Variants in SCAMP1 observed in about 807,000 individuals in gnomAD.
The protein encoded by SCAMP1 is secretory carrier-associated membrane protein 1.
In SCAMP1, 15 loss-of-function variants were observed where a neutral mutation model predicts 41.8. That is an observed-to-expected ratio of 0.36 (90% CI 0.24 to 0.55). The LOEUF (loss-of-function observed/expected upper bound fraction) is 0.55. Among genes scored for constraint, SCAMP1 ranks in the 20% least tolerant of loss-of-function variants. SCAMP1 has a pLI of 0.86. For synonymous variants in SCAMP1, 135 were observed against 136.8 expected, an observed-to-expected ratio of 0.99 and a Z score of 0.09; for missense variants, 341 against 412.6, an observed-to-expected ratio of 0.83 and a Z score of 1.50.
At chr5:78,436,177 T>C (rs577240904) in intron 6 of SCAMP1, among the ~76,000 whole-genome samples, 3 of 152,350 alleles carry the variant, frequency 2.0e-5, no homozygotes, top group Non-Finnish European at 4.4e-5. Context: ...GTAAGTTGCC[T>C]GGTGACTCCG....
chr5:78,467,928 T>C (rs1426228662), intron 8 of SCAMP1, among the ~76,000 whole-genome samples: 2 of 152,188 alleles, frequency 1.3e-5, no homozygotes, highest in African/African-American at 4.8e-5. Context: ...TGTAGCAGTA[T>C]TTATAACCAC....
At chr5:78,408,440 ACC>A (rs1751987923) in intron 2 of SCAMP1, among the ~76,000 whole-genome samples, 1 of 152,086 alleles carries the variant, frequency 6.6e-6, no homozygotes, top group South Asian at 2.1e-4. Flanking sequence ...AACCCATGTC[ACC>A]TGGTTTTAAT....
At chr5:78,466,631 T>A (rs896741077) in intron 8 of SCAMP1, among the ~76,000 whole-genome samples, 1 of 152,096 alleles carries the variant, frequency 6.6e-6, no homozygotes, top group African/African-American at 2.4e-5. Context: ...GAAGATGAAA[T>A]TGAACACGTA....
chr5:78,414,788 G>A (rs1167240860), intron 2 of SCAMP1, among the ~76,000 whole-genome samples: 2 of 151,824 alleles, frequency 1.3e-5, no homozygotes, highest in Non-Finnish European at 1.5e-5. Context: ...CTCTCCTTAC[G>A]CCTTCCCTTT....
chr5:78,402,945 C>T (rs1751835214), intron 2 of SCAMP1, among the ~76,000 whole-genome samples: 1 of 152,156 alleles, frequency 6.6e-6, no homozygotes, highest in Admixed American at 6.5e-5. Flanking sequence ...AATCCCCGAT[C>T]TCAGCTCACT....
chr5:78,397,031 T>C (rs1238239522), intron 2 of SCAMP1, among the ~76,000 whole-genome samples: 1 of 152,172 alleles, frequency 6.6e-6, no homozygotes, highest in Admixed American at 6.5e-5. Flanking sequence ...CAGAGAGTTT[T>C]TTTTAGGGAA....
chr5:78,427,183 G>T (rs1752489685), intron 6 of SCAMP1, among the ~76,000 whole-genome samples: 1 of 152,186 alleles, frequency 6.6e-6, no homozygotes, highest in East Asian at 1.9e-4. Context: ...TCTCCTTATG[G>T]TGGAAAGCAA....
At chr5:78,415,726 T>G in intron 3 of SCAMP1, 108 bp downstream of exon 3, 1 of 700,034 alleles carries the variant, frequency 1.4e-6, no homozygotes, top group Non-Finnish European at 2.4e-6. Context: ...GTTGCTTAAT[T>G]TTTAACTCAC....
At chr5:78,426,146 T>G (rs1379251405) in intron 6 of SCAMP1, among the ~76,000 whole-genome samples, 1 of 152,198 alleles carries the variant, frequency 6.6e-6, no homozygotes, top group African/African-American at 2.4e-5. Flanking sequence ...TATGGCTACA[T>G]AGTATTCCAT....
At chr5:78,396,375 C>T (rs1248760964) in intron 2 of SCAMP1, among the ~76,000 whole-genome samples, 3 of 152,242 alleles carry the variant, frequency 2.0e-5, no homozygotes, top group Admixed American at 6.5e-5. Flanking sequence ...AATCTCTGTA[C>T]CTTCCTTTCC....
At chr5:78,389,639 T>A (rs1175499114) in intron 2 of SCAMP1, among the ~76,000 whole-genome samples, 1 of 152,168 alleles carries the variant, frequency 6.6e-6, no homozygotes, top group African/African-American at 2.4e-5. Flanking sequence ...GTTTTGCTAC[T>A]CTAGATGTAT....
intron 5 of SCAMP1, among the ~76,000 whole-genome samples, chr5:78,419,986 T>C (rs1356711067): frequency 6.6e-6 from 1 of 152,170 alleles, no homozygotes; most frequent in Non-Finnish European, 1.5e-5. Flanking sequence ...CCAACTCTTA[T>C]TTAATCAATA....
intron 1 of SCAMP1, among the ~76,000 whole-genome samples, chr5:78,377,868 G>GA (rs980972639): frequency 6.6e-6 from 1 of 152,056 alleles, no homozygotes; most frequent in South Asian, 2.1e-4. Flanking sequence ...TTTTACTGAT[G>GA]AAAAAACTGA....
chr5:78,391,148 G>A (rs1228546733), intron 2 of SCAMP1, among the ~76,000 whole-genome samples: 5 of 152,078 alleles, frequency 3.3e-5, no homozygotes, highest in African/African-American at 4.8e-5. Context: ...ATCATGGCCC[G>A]TTCTCAATGA....
intron 1 of SCAMP1, among the ~76,000 whole-genome samples, chr5:78,375,420 G>C (rs1452378070): frequency 6.6e-6 from 1 of 152,054 alleles, no homozygotes; most frequent in East Asian, 1.9e-4. Context: ...TGAAAGAAAA[G>C]ATACAGAACC....
chr5:78,416,760 G>A, intron 4 of SCAMP1, 111 bp downstream of exon 4: 1 of 724,814 alleles, frequency 1.4e-6, no homozygotes, highest in Non-Finnish European at 2.2e-6. Flanking sequence ...CTGTTTTCCT[G>A]TTCTAACAAG....
chr5:78,360,741 C>T lies in SCAMP1; in HGVS notation c.57+13C>T, dbSNP rs374465831. 1.2e-6 allele frequency: 2 copies of T among 1,602,536 alleles called. No homozygotes were observed. The highest frequency in any genetic ancestry group is 1.7e-5 in the Admixed American group (1 of 59,016). On this transcript the variant is annotated intron_variant, in intron 1 of 8. Coordinates refer to ENST00000621999, the MANE Select transcript of SCAMP1 (RefSeq NM_004866.6). ...CAATCCCTTCAAGGTGAGCTTCGGC[C>T]CCAGCATCTCCTGCCGCCGCGACGC...
chr5:78,451,915 A>T (rs888370518), intron 7 of SCAMP1, among the ~76,000 whole-genome samples: 3 of 152,194 alleles, frequency 2.0e-5, no homozygotes, highest in Non-Finnish European at 4.4e-5. Flanking sequence ...TCAGCCTTCC[A>T]TAATACTGGG....
intron 8 of SCAMP1, among the ~76,000 whole-genome samples, chr5:78,475,003 TATG>T (rs1462083066): frequency 6.6e-6 from 1 of 152,176 alleles, no homozygotes; most frequent in African/African-American, 2.4e-5. Flanking sequence ...ATAGCGGCAA[TATG>T]TTGAAGGACA....
Sources: allele counts gnomAD v4.1 joint callset (sites outside exome capture counted in the v4.1 genomes callset), GRCh38; gene constraint gnomAD v4.1.1; transcripts MANE v1.5; gene names NCBI Gene and HGNC (gene_info 2026-07-23, HGNC 2026-07-21).